RBFOX1: variants seen among roughly 807,000 people sequenced by gnomAD.
The protein encoded by RBFOX1 is RNA binding fox-1 homolog 1.
RBFOX1 carries 8 observed loss-of-function variants against 57.7 expected under a neutral mutation model. The ratio of observed to expected loss-of-function variants is 0.14; its 90% CI spans 0.08 to 0.25. RBFOX1 has a LOEUF of 0.25. RBFOX1 is among the 10% of genes least tolerant of loss of function. The probability of loss-of-function intolerance (pLI) is 1.00; values close to 1 mark genes in which losing one functional copy is unlikely to be tolerated. For synonymous variants in RBFOX1, 326 were observed against 222.4 expected, an observed-to-expected ratio of 1.47 and a Z score of -4.15; for missense variants, 611 against 548.5, an observed-to-expected ratio of 1.11 and a Z score of -1.14.
chr16:6,281,200 A>G (rs893311444), intron 1 of RBFOX1, among the ~76,000 whole-genome samples: 6 of 152,020 alleles, frequency 3.9e-5, no homozygotes, highest in African/African-American at 1.2e-4. Flanking sequence ...GCCAACTTTC[A>G]GAGGTGCTTA....
chr16:6,421,719 T>G (rs1156524741), intron 2 of RBFOX1, among the ~76,000 whole-genome samples: 1 of 152,154 alleles, frequency 6.6e-6, no homozygotes, highest in Non-Finnish European at 1.5e-5. Flanking sequence ...AACACACTAA[T>G]CATCGTGAAG....
chr16:5,858,630 C>T (rs2057130755), intron 3 of RBFOX1, among the ~76,000 whole-genome samples: 1 of 152,160 alleles, frequency 6.6e-6, no homozygotes, highest in South Asian at 2.1e-4. Flanking sequence ...CAAGCAAGTG[C>T]ATGTAAATAT....
intron 2 of RBFOX1, among the ~76,000 whole-genome samples, chr16:6,470,219 C>G (rs1014030151): frequency 6.6e-6 from 1 of 152,088 alleles, no homozygotes; most frequent in African/African-American, 2.4e-5. Context: ...CCCTTTATGT[C>G]CTGTCTGGAT....
chr16:5,296,186 A>T (rs1025607104), intron 1 of RBFOX1, among the ~76,000 whole-genome samples: 12 of 152,216 alleles, frequency 7.9e-5, no homozygotes, highest in African/African-American at 2.9e-4. Context: ...TGTCTGAAGC[A>T]TGCACTAAGC....
chr16:7,424,359 A>G (rs1568821089), intron 4 of RBFOX1, among the ~76,000 whole-genome samples: 1 of 152,140 alleles, frequency 6.6e-6, no homozygotes, highest in Admixed American at 6.5e-5. Context: ...TCCCAGGTTC[A>G]AGCGATGCTC....
At chr16:6,565,347 C>A (rs946938122) in intron 2 of RBFOX1, among the ~76,000 whole-genome samples, 1 of 151,986 alleles carries the variant, frequency 6.6e-6, no homozygotes, top group African/African-American at 2.4e-5. Context: ...ACCTCCATCT[C>A]CCAGATTCAA....
intron 3 of RBFOX1, among the ~76,000 whole-genome samples, chr16:6,894,118 A>G (rs920300723): frequency 2.6e-4 from 40 of 152,318 alleles, no homozygotes; most frequent in African/African-American, 8.9e-4. Context: ...ACAAACATAC[A>G]TAGATTATGG....
At chr16:6,959,348 C>T (rs1321810114) in intron 3 of RBFOX1, among the ~76,000 whole-genome samples, 3 of 152,150 alleles carry the variant, frequency 2.0e-5, no homozygotes, top group Non-Finnish European at 4.4e-5. Context: ...TTCAATACAT[C>T]TGATAACCGT....
At chr16:6,031,258 CG>C (rs2095284858) in intron 1 of RBFOX1, among the ~76,000 whole-genome samples, 1 of 151,908 alleles carries the variant, frequency 6.6e-6, no homozygotes, top group Non-Finnish European at 1.5e-5. Context: ...TTCAGAAGCC[CG>C]GGGGAGGAAG....
intron 2 of RBFOX1, among the ~76,000 whole-genome samples, chr16:5,506,432 A>G (rs1464333070): frequency 6.6e-6 from 1 of 152,142 alleles, no homozygotes; most frequent in Non-Finnish European, 1.5e-5. Context: ...CCAGCCTTCC[A>G]AGTTCAGGTA....
At position 5,480,260 on chromosome 16, in the gene RBFOX1, T is replaced by C. The variant is rs528853740; in HGVS notation, c.258+13006T>C. Among the ~76,000 whole-genome samples, 56 of 152,246 alleles carry C rather than the reference T, an allele frequency of 3.7e-4. 1 individual carries two copies. The highest frequency in any genetic ancestry group is 7.2e-4 in the Admixed American group (11 of 15,298). Reference sequence around the variant, plus strand: ...AGCTTTTGACCAGGGGTCAAAGCCATTGGGGGATTTTCTCCTAATCTCTCT... The same window carrying C: ...AGCTTTTGACCAGGGGTCAAAGCCACTGGGGGATTTTCTCCTAATCTCTCT... On this transcript the variant is annotated intron_variant, in intron 2 of 2. Coordinates refer to the RBFOX1 transcript ENST00000585867.
chr16:5,493,079 T>G (rs921623364), intron 2 of RBFOX1, among the ~76,000 whole-genome samples: 3 of 152,372 alleles, frequency 2.0e-5, no homozygotes, highest in African/African-American at 7.2e-5. Context: ...TTTCATGTTA[T>G]GGTAGCAGAG....
At chr16:6,404,095 C>T (rs2093184315) in intron 2 of RBFOX1, among the ~76,000 whole-genome samples, 1 of 152,120 alleles carries the variant, frequency 6.6e-6, no homozygotes. Flanking sequence ...ATGGACTCGG[C>T]ATCCATGGAG....
intron 4 of RBFOX1, among the ~76,000 whole-genome samples, chr16:7,394,011 A>T (rs996083776): frequency 2.0e-5 from 3 of 152,052 alleles, no homozygotes; most frequent in Non-Finnish European, 4.4e-5. Context: ...CAAGGTGGGC[A>T]GATCACCTGA....
intron 2 of RBFOX1, among the ~76,000 whole-genome samples, chr16:5,519,696 G>A (rs980110399): frequency 6.6e-6 from 1 of 152,212 alleles, no homozygotes; most frequent in African/African-American, 2.4e-5. Flanking sequence ...CTGCACTCCA[G>A]CCTGAATGAT....
At chr16:6,931,177 C>A (rs146601841) in intron 3 of RBFOX1, among the ~76,000 whole-genome samples, 1 of 151,688 alleles carries the variant, frequency 6.6e-6, no homozygotes, top group Non-Finnish European at 1.5e-5. Context: ...ACTAGTAATG[C>A]GCTGTGTAGA....
At chr16:6,213,427 G>A (rs776171761) in intron 1 of RBFOX1, among the ~76,000 whole-genome samples, 5 of 152,016 alleles carry the variant, frequency 3.3e-5, no homozygotes, top group Non-Finnish European at 5.9e-5. Flanking sequence ...ATTTACAACC[G>A]GCAATATGGA....
At chr16:7,405,198 G>C (rs1370599524) in intron 4 of RBFOX1, among the ~76,000 whole-genome samples, 1 of 152,170 alleles carries the variant, frequency 6.6e-6, no homozygotes, top group East Asian at 1.9e-4. Context: ...TGACGATACA[G>C]CAGTGTTTGT....
At chr16:6,483,958 C>T (rs746258784) in intron 2 of RBFOX1, 226 of 1,043,818 alleles carry the variant, frequency 2.2e-4, no homozygotes, top group Non-Finnish European at 2.5e-4. Context: ...GGAGACTGTG[C>T]TCAGGGCTCG....
Sources: allele counts gnomAD v4.1 joint callset (sites outside exome capture counted in the v4.1 genomes callset), GRCh38; gene constraint gnomAD v4.1.1; transcripts MANE v1.5; gene names NCBI Gene and HGNC (gene_info 2026-07-23, HGNC 2026-07-21).